The following IP6K2 variants were observed in gnomAD, a reference collection of about 807,000 sequenced individuals.
The protein encoded by IP6K2 is inositol hexakisphosphate kinase 2.
IP6K2 carries 9 observed loss-of-function variants against 43.3 expected under a neutral mutation model. The observed-to-expected ratio is 0.21, with a 90% CI of 0.13 to 0.36. IP6K2 has a LOEUF of 0.36. Among genes scored for constraint, IP6K2 ranks in the 10% least tolerant of loss-of-function variants. The pLI is 1.00. For synonymous variants in IP6K2, 209 were observed against 202.4 expected (o/e 1.03, Z -0.28); for missense variants, 332 against 538.4 (o/e 0.62, Z 3.79).
chr3:48,694,812 G>C, intron 2 of IP6K2: 1 of 1,536,280 alleles, frequency 6.5e-7, no homozygotes, highest in Non-Finnish European at 8.7e-7. Context: ...GGGTTACTGT[G>C]ATCAAGAGAC....
At chr3:48,705,043 G>T (rs1451194088) in intron 1 of IP6K2, among the ~76,000 whole-genome samples, 2 of 152,234 alleles carry the variant, frequency 1.3e-5, no homozygotes, top group South Asian at 4.1e-4. Flanking sequence ...CCAGGTTCAC[G>T]CCATTCTCCT....
At chr3:48,704,952 T>A (rs779189797) in intron 1 of IP6K2, among the ~76,000 whole-genome samples, 2 of 151,958 alleles carry the variant, frequency 1.3e-5, no homozygotes, top group Non-Finnish European at 2.9e-5. Context: ...TTTCTAATTT[T>A]TTTTTTTGAG....
chr3:48,713,693 C>T (rs370081854), intron 1 of IP6K2, among the ~76,000 whole-genome samples: 4 of 151,926 alleles, frequency 2.6e-5, no homozygotes, highest in African/African-American at 7.2e-5. Context: ...CGTGGTGCCA[C>T]GCGCCTGTAA....
intron 1 of IP6K2, chr3:48,711,367 C>G (rs951842279): frequency 3.3e-5 from 5 of 152,212 alleles, no homozygotes; most frequent in Admixed American, 2.6e-4. Context: ...TCTGACTAAC[C>G]CATAAAGTCT....
chr3:48,691,311 C>T lies in IP6K2; in HGVS notation c.600G>A (p.Gln200=). The T allele has an allele frequency of 6.2e-7, 1 of 1,612,600 alleles. No homozygotes were observed. Among genetic ancestry groups the T allele is most frequent in the Non-Finnish European group, 8.5e-7 (1 of 1,178,912 alleles). ...RMKENAKHRN[Q]YKFILLENLT... ...ATGCCCGTGAACAAAGGATACTGTA[C>T]TGGTTCCGATGCTTTGCATTCTCCT... is the stretch of plus-strand genomic sequence containing the variant. Residue 200 remains glutamine, a synonymous_variant, in exon 4 of 6, where the codon CAG becomes CAA. Coordinates refer to ENST00000328631, the MANE Select transcript of IP6K2 (RefSeq NM_016291.4).
intron 1 of IP6K2, among the ~76,000 whole-genome samples, chr3:48,702,235 AAAAAT>A (rs756216341): frequency 3.3e-5 from 5 of 152,176 alleles, no homozygotes; most frequent in South Asian, 4.1e-4. Flanking sequence ...CATGTCAAAA[AAAAAT>A]AAAATAAAGC....
chr3:48,696,247 T>C (rs187849478), intron 1 of IP6K2, among the ~76,000 whole-genome samples: 3 of 152,218 alleles, frequency 2.0e-5, no homozygotes, highest in Non-Finnish European at 2.9e-5. Context: ...CATTATCTAG[T>C]AAGACTCATT....
rs757888180 is a variant in IP6K2 at position 48,691,494 on chromosome 3, T to G, written c.429-12A>C. 3.1e-6 allele frequency: 5 copies of G among 1,588,524 alleles called. No individual in the cohort carries two copies. Among genetic ancestry groups the G allele is most frequent in the Admixed American group, 1.7e-5 (1 of 57,950 alleles). Reference sequence around the variant, plus strand: ...CTTCTAACTTATGGCTATAAAGAGATAAGGACCAATAAATCAGTATGTCTT... The same window carrying G: ...CTTCTAACTTATGGCTATAAAGAGAGAAGGACCAATAAATCAGTATGTCTT... On this transcript the variant is annotated splice_polypyrimidine_tract_variant and intron_variant, in intron 3 of 5. Coordinates refer to ENST00000328631, the MANE Select transcript of IP6K2 (RefSeq NM_016291.4).
At chr3:48,694,139 G>T in intron 2 of IP6K2, 1 of 1,534,904 alleles carries the variant, frequency 6.5e-7, no homozygotes, top group Middle Eastern at 2.0e-4. Flanking sequence ...GAGGAGCCGG[G>T]GTGGGGTATT....
At chr3:48,716,400 T>G (rs1056685029) in intron 1 of IP6K2, 1 of 152,198 alleles carries the variant, frequency 6.6e-6, no homozygotes, top group African/African-American at 2.4e-5. Flanking sequence ...AGCACTGGAT[T>G]TTACTGGTTT....
At chr3:48,690,892 G>A (rs1033420446) in intron 4 of IP6K2, among the ~76,000 whole-genome samples, 2 of 152,098 alleles carry the variant, frequency 1.3e-5, no homozygotes, top group African/African-American at 4.8e-5. Context: ...TGGTGGTCTG[G>A]TGAACCAGGA....
At chr3:48,716,118 T>C (rs1355715596) in intron 1 of IP6K2, among the ~76,000 whole-genome samples, 1 of 152,148 alleles carries the variant, frequency 6.6e-6, no homozygotes, top group Non-Finnish European at 1.5e-5. Context: ...CCTATATAAA[T>C]AAGCATCTTA....
At chr3:48,717,035 G>T (rs2081270227) in intron 1 of IP6K2, 122 bp downstream of exon 1, 1 of 154,404 alleles carries the variant, frequency 6.5e-6, no homozygotes, top group Non-Finnish European at 1.5e-5. Context: ...CAATGACCAC[G>T]GAAGAAGTCT....
intron 2 of IP6K2, chr3:48,693,888 T>C: frequency 8.2e-7 from 1 of 1,224,232 alleles, no homozygotes; most frequent in Non-Finnish European, 1.0e-6. Context: ...GAAAGCAGCT[T>C]TTCCCCTTAA....
chr3:48,695,466 G>C lies in IP6K2; in HGVS notation c.-130-45C>G, dbSNP rs2078227900. The stretch of plus-strand genomic sequence containing the variant: ...TGACATGGGGGTTCGAAGTAGCGTG[G>C]GAAGTGCCTTAGAGCTGCTCACCCT... On this transcript the variant is annotated intron_variant, in intron 1 of 5. Transcript: ENST00000328631. The surrounding 1 kb of genome is among the most constrained non-coding windows in gnomAD (Gnocchi z 4.6). The C allele has an allele frequency of 7.2e-6, 10 of 1,397,126 alleles. No homozygotes were observed. In the Admixed American group the frequency reaches 1.5e-4, roughly 20 times the overall value. The allele number at this position is 1,397,126 out of a possible 1,614,324, so 86.5% of individuals were successfully genotyped here. A position where few individuals can be genotyped will look rare whatever the true frequency, so the allele number is the denominator to read the frequency against.
chr3:48,697,346 T>G (rs1309618893), intron 1 of IP6K2, among the ~76,000 whole-genome samples: 3 of 150,786 alleles, frequency 2.0e-5, no homozygotes, highest in Non-Finnish European at 4.4e-5. Flanking sequence ...GTTTTGTTTT[T>G]TTTTTTAGAT....
At chr3:48,696,392 C>A (rs2078351603) in intron 1 of IP6K2, among the ~76,000 whole-genome samples, 1 of 152,114 alleles carries the variant, frequency 6.6e-6, no homozygotes, top group South Asian at 2.1e-4. Context: ...CTGATCAAGG[C>A]TGGTTAACTC....
chr3:48,708,939 A>G (rs2080152939), intron 1 of IP6K2, among the ~76,000 whole-genome samples: 1 of 152,114 alleles, frequency 6.6e-6, no homozygotes, highest in African/African-American at 2.4e-5. Context: ...GTGGTGGTAC[A>G]TGCCTGTTGT....
At chr3:48,693,979 C>A (rs760804799) in intron 2 of IP6K2, 3 of 1,385,286 alleles carry the variant, frequency 2.2e-6, no homozygotes, top group African/African-American at 3.0e-5. Context: ...CAGGTGCCGA[C>A]GAGCGCCTTA....
Sources: gnomAD v4.1 joint callset for allele counts (sites outside exome capture counted in the v4.1 genomes callset) on GRCh38, gnomAD v4.1.1 for gene constraint, Gnocchi (gnomAD v3.1) non-coding constraint, MANE v1.5 for transcripts, NCBI Gene and HGNC (gene_info 2026-07-23, HGNC 2026-07-21) for gene names.